CMTM7: variants seen among roughly 807,000 people sequenced by gnomAD.
The protein encoded by CMTM7 is CKLF like MARVEL transmembrane domain containing 7, also known as CKLF-like MARVEL transmembrane domain-containing protein 7.
In CMTM7, 7 loss-of-function variants were observed where a neutral mutation model predicts 19.3. The ratio of observed to expected loss-of-function variants is 0.36; its 90% CI spans 0.21 to 0.68. The LOEUF (loss-of-function observed/expected upper bound fraction) is 0.68, where lower values mean the gene tolerates loss of function less well. Among genes scored for constraint, CMTM7 ranks in the 30% least tolerant of loss-of-function variants. The pLI, the probability that CMTM7 is intolerant of heterozygous loss-of-function variation, is 0.60. For missense variants in CMTM7, 193 were observed against 232.6 expected (o/e 0.83, Z 1.11); for synonymous variants, 87 against 99.3 (o/e 0.88, Z 0.74).
chr3:32,427,014 A>G (rs1004674196), intron 1 of CMTM7, among the ~76,000 whole-genome samples: 21 of 152,338 alleles, frequency 1.4e-4, no homozygotes, highest in Admixed American at 5.9e-4. Flanking sequence ...ATAACTTCCT[A>G]ATAGAGTATA....
intron 1 of CMTM7, among the ~76,000 whole-genome samples, chr3:32,404,777 A>G (rs576440342): frequency 4.6e-5 from 7 of 152,212 alleles, no homozygotes; most frequent in South Asian, 2.1e-4. Flanking sequence ...CTTCTAACCA[A>G]TGGAATATGG....
intron 1 of CMTM7, among the ~76,000 whole-genome samples, chr3:32,435,008 G>T (rs561352354): frequency 1.3e-5 from 2 of 152,196 alleles, no homozygotes; most frequent in Non-Finnish European, 2.9e-5. Context: ...TGTGGAGGGA[G>T]ACAGGTATCT....
chr3:32,445,519 G>A (rs1483446229), intron 2 of CMTM7, among the ~76,000 whole-genome samples: 1 of 151,342 alleles, frequency 6.6e-6, no homozygotes, highest in Non-Finnish European at 1.5e-5. Flanking sequence ...TGTTTTTTTT[G>A]TTTTGTTTTT....
chr3:32,406,021 A>G (rs941829576), intron 1 of CMTM7, among the ~76,000 whole-genome samples: 19 of 152,360 alleles, frequency 1.2e-4, no homozygotes, highest in African/African-American at 4.1e-4. Flanking sequence ...TACTGGTGAT[A>G]CCAGTTTCTT....
chr3:32,442,498 C>CAA lies in CMTM7; in HGVS notation c.333+513_333+514dup, dbSNP rs59568281. On this transcript the variant is annotated intron_variant, in intron 2 of 4. Transcript: ENST00000334983. ...CTGGGTGACAGAGCGAGACTCCTCT[C>CAA]AAAAAAAAAAAAAAAAAAAAAAAAA... Among the ~76,000 whole-genome samples, 58 of 80,048 alleles carry CAA rather than the reference C, an allele frequency of 7.2e-4. 1 individual carries two copies. The highest frequency in any genetic ancestry group is 1.2e-3 in the Admixed American group (7 of 6,052). The allele number at this position is 80,048 out of a possible 152,430, so 52.5% of individuals were successfully genotyped here. A position where few individuals can be genotyped will look rare whatever the true frequency, so the allele number is the denominator to read the frequency against.
chr3:32,410,668 G>A (rs999956123), intron 1 of CMTM7, among the ~76,000 whole-genome samples: 3 of 151,406 alleles, frequency 2.0e-5, no homozygotes, highest in African/African-American at 7.3e-5. Context: ...TAGGATTCCT[G>A]TCCTGGAGCA....
intron 1 of CMTM7, among the ~76,000 whole-genome samples, chr3:32,422,544 G>A (rs1166070906): frequency 2.0e-5 from 3 of 152,222 alleles, no homozygotes; most frequent in South Asian, 2.1e-4. Context: ...AGAGCTGGAC[G>A]TGTATTTGGC....
rs114774698 is a variant in CMTM7 at position 32,411,134 on chromosome 3, C to T, written c.159+19069C>T. Among the ~76,000 whole-genome samples the T allele has an allele frequency of 4.6e-3, 699 of 152,270 alleles. 5 individuals carry two copies. Among genetic ancestry groups the T allele is most frequent in the African/African-American group, 0.016 (670 of 41,542 alleles). ...GGATACAGCTGTGAATGAGGCAGAG[C>T]CGGCTTCCCTGTCGCTGAAAATCAA... On this transcript the variant is annotated intron_variant, in intron 1 of 4. Coordinates refer to ENST00000334983, the MANE Select transcript of CMTM7 (RefSeq NM_138410.4).
chr3:32,445,169 TCTTC>T (rs990077473), intron 2 of CMTM7, among the ~76,000 whole-genome samples: 2 of 152,226 alleles, frequency 1.3e-5, no homozygotes, highest in African/African-American at 4.8e-5. Context: ...TATTTTTACT[TCTTC>T]CTTTATAATC....
chr3:32,410,308 C>T (rs116040678), intron 1 of CMTM7, among the ~76,000 whole-genome samples: 2 of 152,344 alleles, frequency 1.3e-5, no homozygotes, highest in African/African-American at 2.4e-5. Flanking sequence ...CAGGTCACCA[C>T]GGAGTGTCCA....
At chr3:32,404,142 C>CTTTTTTTTCTTTTTTTTTTTTTTTTTTT (rs1559401304) in intron 1 of CMTM7, among the ~76,000 whole-genome samples, 1 of 109,232 alleles carries the variant, frequency 9.2e-6, no homozygotes, top group South Asian at 2.4e-4. Flanking sequence ...TTCTTTCTTT[C>CTTTTTTTTCTTTTTTTTTTTTTTTTTTT]TTTTTTTTTC....
At chr3:32,446,974 C>T (rs1375606971) in intron 2 of CMTM7, among the ~76,000 whole-genome samples, 1 of 152,136 alleles carries the variant, frequency 6.6e-6, no homozygotes, top group African/African-American at 2.4e-5. Context: ...TTTATTAAAA[C>T]AACGCAAAAC....
At chr3:32,427,307 T>C (rs1696447810) in intron 1 of CMTM7, among the ~76,000 whole-genome samples, 2 of 152,202 alleles carry the variant, frequency 1.3e-5, no homozygotes, top group Non-Finnish European at 2.9e-5. Context: ...GTGAGTTCTT[T>C]TATTGAGTGG....
intron 1 of CMTM7, among the ~76,000 whole-genome samples, chr3:32,418,103 C>T (rs942196376): frequency 1.3e-5 from 2 of 152,050 alleles, no homozygotes; most frequent in South Asian, 2.1e-4. Context: ...ATTACAGTTG[C>T]GAGCCACCGC....
chr3:32,392,293 C>G (rs1695848722), intron 1 of CMTM7, among the ~76,000 whole-genome samples: 2 of 143,546 alleles, frequency 1.4e-5, no homozygotes, highest in African/African-American at 5.1e-5. Flanking sequence ...CCCTTGCTCC[C>G]GCGGACCCAG....
At chr3:32,402,098 T>G (rs974987190) in intron 1 of CMTM7, among the ~76,000 whole-genome samples, 4 of 152,116 alleles carry the variant, frequency 2.6e-5, no homozygotes, top group African/African-American at 9.7e-5. Flanking sequence ...TGTTTATTTG[T>G]TTGTTTGGTT....
rs1261982014 is a variant in CMTM7, at chr3:32,455,072, A to G, written c.*818A>G. The G allele has an allele frequency of 6.5e-6, 1 of 152,954 alleles. No individual in the cohort carries two copies. The highest frequency in any genetic ancestry group is 2.4e-5 in the African/African-American group (1 of 41,446). 9.5% of individuals were successfully genotyped at this position (152,954 alleles called of 1,614,324 possible). ...ATATTCACGTCCTCCTTCTCCTGCA[A>G]TACCAATCTTCTCATTTTGGAAAGA... is the stretch of plus-strand genomic sequence containing the variant. On this transcript the variant is annotated 3_prime_UTR_variant, in exon 5 of 5. Coordinates refer to ENST00000334983, the MANE Select transcript of CMTM7 (RefSeq NM_138410.4).
chr3:32,444,604 G>T (rs73066795), intron 2 of CMTM7, among the ~76,000 whole-genome samples: 4,901 of 152,190 alleles, frequency 0.032, 120 homozygotes, highest in Middle Eastern at 0.054. Context: ...ATTATAATAG[G>T]AATTATGTTG....
At position 32,446,837 on chromosome 3, in the gene CMTM7, A is replaced by G. The variant is rs569564838; in HGVS notation, c.334-2617A>G. On this transcript the variant is annotated intron_variant, in intron 2 of 4. Coordinates refer to ENST00000334983, the MANE Select transcript of CMTM7 (RefSeq NM_138410.4). ...GCCTGCTCACCTTCACCTTTGCTTC[A>G]GAAAGTAGAAGCTCCCTGAAGCCCT... 2.6e-4 allele frequency among the ~76,000 whole-genome samples: 39 copies of G among 152,268 alleles called. No individual in the cohort carries two copies. In the South Asian group the frequency reaches 6.2e-3, roughly 24 times the overall value.
Sources: gnomAD v4.1 joint callset for allele counts (sites outside exome capture counted in the v4.1 genomes callset) on GRCh38, gnomAD v4.1.1 for gene constraint, MANE v1.5 for transcripts, NCBI Gene and HGNC (gene_info 2026-07-23, HGNC 2026-07-21) for gene names.